The following SUPT3H variants were observed in gnomAD, a reference collection of about 807,000 sequenced individuals.
SUPT3H encodes transcription initiation protein SPT3 homolog.
Under a neutral mutation model 44.3 loss-of-function variants are expected in SUPT3H, and 44 were observed. The ratio of observed to expected loss-of-function variants is 0.99; its 90% CI spans 0.78 to 1.28. SUPT3H has a LOEUF of 1.28. Among genes scored for constraint, SUPT3H ranks in the 50% most tolerant of loss-of-function variants. The probability of loss-of-function intolerance (pLI) is 0.00; values close to 1 mark genes in which losing one functional copy is unlikely to be tolerated. For missense variants in SUPT3H, 380 were observed against 387.1 expected (o/e 0.98, Z 0.15); for synonymous variants, 124 against 125.6 (o/e 0.99, Z 0.09).
intron 3 of SUPT3H, among the ~76,000 whole-genome samples, chr6:45,071,273 A>G (rs1794339734): frequency 6.6e-6 from 1 of 152,140 alleles, no homozygotes; most frequent in Admixed American, 6.5e-5. Context: ...GATTCCCCAG[A>G]CCCACATCAA....
At chr6:45,286,988 A>G (rs1779407836) in intron 2 of SUPT3H, among the ~76,000 whole-genome samples, 1 of 152,154 alleles carries the variant, frequency 6.6e-6, no homozygotes, top group African/African-American at 2.4e-5. Flanking sequence ...AAACTATCAC[A>G]AGGAGAAAAA....
intron 1 of SUPT3H, among the ~76,000 whole-genome samples, chr6:45,366,730 T>G (rs1795203256): frequency 6.6e-6 from 1 of 152,208 alleles, no homozygotes; most frequent in South Asian, 2.1e-4. Flanking sequence ...CTACAACTAC[T>G]AGTCACTTGG....
chr6:45,048,262 G>A (rs960438617), intron 3 of SUPT3H, among the ~76,000 whole-genome samples: 3 of 73,940 alleles, frequency 4.1e-5, no homozygotes, highest in East Asian at 4.5e-4. Flanking sequence ...AGGCTTTTTA[G>A]TTTGATGTAA....
intron 2 of SUPT3H, among the ~76,000 whole-genome samples, chr6:45,303,107 C>A (rs1036597357): frequency 1.6e-4 from 24 of 152,098 alleles, no homozygotes; most frequent in Non-Finnish European, 2.8e-4. Flanking sequence ...TCACCTTATA[C>A]AAAAATCAAC....
chr6:45,340,422 C>T (rs530229795), intron 2 of SUPT3H, among the ~76,000 whole-genome samples: 47 of 152,168 alleles, frequency 3.1e-4, no homozygotes, highest in African/African-American at 9.4e-4. Flanking sequence ...CTCCTGAGCT[C>T]AAGGGATCTT....
intron 2 of SUPT3H, chr6:45,322,835 T>TA (rs755069993): frequency 4.0e-6 from 6 of 1,495,800 alleles, no homozygotes; most frequent in South Asian, 3.4e-5. Context: ...CAACCACAGT[T>TA]AGATTCATCC....
At chr6:45,212,157 C>T (rs1764203874) in intron 2 of SUPT3H, among the ~76,000 whole-genome samples, 2 of 151,930 alleles carry the variant, frequency 1.3e-5, no homozygotes, top group African/African-American at 2.4e-5. Context: ...AAGACTCTGT[C>T]TCAAAAAGAA....
chr6:45,351,925 T>C (rs1792134330), intron 2 of SUPT3H, among the ~76,000 whole-genome samples: 1 of 152,138 alleles, frequency 6.6e-6, no homozygotes, highest in South Asian at 2.1e-4. Flanking sequence ...CACTGACAAC[T>C]TAGGCAACAA....
At chr6:45,157,223 C>T (rs1191649760) in intron 2 of SUPT3H, among the ~76,000 whole-genome samples, 3 of 151,908 alleles carry the variant, frequency 2.0e-5, no homozygotes, top group South Asian at 4.2e-4. Flanking sequence ...GCTTAACAAG[C>T]AACATATGAT....
chr6:44,936,342 TTTA>T (rs1185245480), intron 9 of SUPT3H, among the ~76,000 whole-genome samples: 38 of 152,314 alleles, frequency 2.5e-4, no homozygotes, highest in African/African-American at 8.7e-4. Context: ...AAAGCTTTTA[TTTA>T]TTTTTTTCTT....
intron 3 of SUPT3H, among the ~76,000 whole-genome samples, chr6:45,067,699 A>G (rs71566516): frequency 6.7e-6 from 1 of 148,818 alleles, no homozygotes; most frequent in African/African-American, 2.5e-5. Flanking sequence ...GCAGCCAAGA[A>G]ACACATGAAA....
At chr6:45,200,534 CA>C (rs1762315605) in intron 2 of SUPT3H, among the ~76,000 whole-genome samples, 1 of 151,498 alleles carries the variant, frequency 6.6e-6, no homozygotes, top group African/African-American at 2.4e-5. Flanking sequence ...TAACAGATAT[CA>C]TATGCTAATA....
chr6:45,250,607 C>T (rs961143727), intron 2 of SUPT3H, among the ~76,000 whole-genome samples: 1 of 151,686 alleles, frequency 6.6e-6, no homozygotes, highest in African/African-American at 2.4e-5. Context: ...GATGGAAAAA[C>T]AGAGGAAACA....
At chr6:44,906,123 T>C (rs968826685) in intron 10 of SUPT3H, among the ~76,000 whole-genome samples, 2 of 152,186 alleles carry the variant, frequency 1.3e-5, no homozygotes, top group Non-Finnish European at 2.9e-5. Context: ...TGTATACATA[T>C]GTAACTAACC....
chr6:45,202,772 TATTTAATGAACTAAAGAGCAAATTG>T (rs1762632874), intron 2 of SUPT3H, among the ~76,000 whole-genome samples: 1 of 152,162 alleles, frequency 6.6e-6, no homozygotes, highest in African/African-American at 2.4e-5. Flanking sequence ...TATACAATTC[TATTTAATGAACTAAAGAGCAAATTG>T]ATTTAACAGA....
chr6:44,822,379 C>T (rs1453431826), downstream of SUPT3H, among the ~76,000 whole-genome samples: 1 of 152,122 alleles, frequency 6.6e-6, no homozygotes, highest in African/African-American at 2.4e-5. Context: ...TATTCCATTA[C>T]CTTTAGGGAA....
At chr6:44,928,973 G>A (rs1290991127) in intron 10 of SUPT3H, among the ~76,000 whole-genome samples, 2 of 151,372 alleles carry the variant, frequency 1.3e-5, no homozygotes, top group Non-Finnish European at 2.9e-5. Context: ...TAACCACTGA[G>A]TGGGGACGGA....
intron 2 of SUPT3H, among the ~76,000 whole-genome samples, chr6:45,292,114 G>C (rs931489127): frequency 6.6e-6 from 1 of 152,138 alleles, no homozygotes; most frequent in Non-Finnish European, 1.5e-5. Context: ...TACAAGCTAG[G>C]AGGGATTGGG....
intron 9 of SUPT3H, among the ~76,000 whole-genome samples, chr6:44,948,457 T>A (rs898057039): frequency 2.6e-5 from 4 of 152,072 alleles, no homozygotes; most frequent in South Asian, 4.1e-4. Context: ...ACAGGCAACC[T>A]ACAGAATGGG....
Sources: allele counts gnomAD v4.1 joint callset (sites outside exome capture counted in the v4.1 genomes callset), GRCh38; gene constraint gnomAD v4.1.1; transcripts MANE v1.5; gene names NCBI Gene and HGNC (gene_info 2026-07-23, HGNC 2026-07-21).